The following SLC22A23 variants were observed in gnomAD, a reference collection of about 807,000 sequenced individuals.
The protein encoded by SLC22A23 is solute carrier family 22 member 23.
Under a neutral mutation model 61.0 loss-of-function variants are expected in SLC22A23, and 26 were observed. The observed-to-expected ratio is 0.43, with a 90% CI of 0.31 to 0.59. The LOEUF (loss-of-function observed/expected upper bound fraction) is 0.59. SLC22A23 is among the 20% of genes least tolerant of loss of function. The pLI is 0.11. For missense variants in SLC22A23, 796 were observed against 934.7 expected, an observed-to-expected ratio of 0.85 and a Z score of 1.94; for synonymous variants, 430 against 413.9, an observed-to-expected ratio of 1.04 and a Z score of -0.47.
chr6:3,292,481 C>CAT (rs1377403290), intron 5 of SLC22A23, among the ~76,000 whole-genome samples: 1 of 152,208 alleles, frequency 6.6e-6, no homozygotes, highest in East Asian at 1.9e-4. Context: ...ACCCAGCTCC[C>CAT]ATGCTCTCCT....
chr6:3,423,001 T>C (rs1770247241), intron 1 of SLC22A23, among the ~76,000 whole-genome samples: 1 of 152,184 alleles, frequency 6.6e-6, no homozygotes, highest in African/African-American at 2.4e-5. Flanking sequence ...ATGAGTAATG[T>C]AATTTCCGAT....
chr6:3,362,089 T>A (rs1581751569), intron 3 of SLC22A23, among the ~76,000 whole-genome samples: 1 of 62,678 alleles, frequency 1.6e-5, no homozygotes, highest in Non-Finnish European at 3.6e-5. Context: ...GAAAAATAAA[T>A]TTTTTTTTTA....
Position 3,410,264 on chromosome 6 carries a change from A to G in SLC22A23, c.837T>C (p.Asn279=), listed in dbSNP as rs1769125783. The G allele has an allele frequency of 6.2e-7, 1 of 1,614,054 alleles. No homozygotes were observed. The highest frequency in any genetic ancestry group is 1.3e-5 in the African/African-American group (1 of 75,054). The change falls in exon 3 of 10, where the codon AAT becomes AAC. Residue 279 remains asparagine, a synonymous_variant. Coordinates refer to ENST00000406686, the MANE Select transcript of SLC22A23 (RefSeq NM_015482.2). This position sits in a 1 kb window ranked among gnomAD's most constrained non-coding sequence, Gnocchi z 5.0. The part of the protein sequence containing the change: ...IFGLTVALSV[N]VTMFSTLRFF... ...ACCTGAGTGTGCTGAACATTGTCAC[A>G]TTCACTGACAGTGCCACAGTCAGTC...
intron 3 of SLC22A23, among the ~76,000 whole-genome samples, chr6:3,349,620 A>G (rs1344096127): frequency 6.6e-6 from 1 of 152,224 alleles, no homozygotes; most frequent in Non-Finnish European, 1.5e-5. Flanking sequence ...ATTAAAATGC[A>G]TGGCCCTTCT....
In SLC22A23 at chr6:3,286,982, T is replaced by C; in HGVS notation, c.1423A>G (p.Ile475Val). The C allele has an allele frequency of 1.2e-6, 2 of 1,614,152 alleles. No individual in the cohort carries two copies. The highest frequency in any genetic ancestry group is 1.7e-6 in the Non-Finnish European group (2 of 1,180,036). Residue 475 changes from isoleucine to valine, a missense_variant, in exon 7 of 10, where the codon ATC becomes GTC. By Grantham distance (29) the Ile-to-Val change is conservative (BLOSUM62 3). Transcript: ENST00000406686. This position sits in a 1 kb window ranked among gnomAD's most constrained non-coding sequence, Gnocchi z 4.2. ...ATGGCCAGGCAGGACACCAGCGCGA[T>C]GCTGGCCGTGGTATAGTAGTCAGCA... The part of the protein sequence containing the change: ...FYADYYTTAS[I>V]ALVSCLAMCV...
intron 3 of SLC22A23, among the ~76,000 whole-genome samples, chr6:3,366,332 CAAAA>C (rs11387672): frequency 0.032 from 2,343 of 73,858 alleles, 45 homozygotes; most frequent in African/African-American, 0.14. Flanking sequence ...GACTCTGTCT[CAAAA>C]AAAAAAAAAA....
intron 4 of SLC22A23, among the ~76,000 whole-genome samples, chr6:3,315,863 CAAAAA>C (rs59464373): frequency 0.33 from 47,538 of 144,826 alleles, 8,214 homozygotes; most frequent in East Asian, 0.59. Context: ...GAATCCGTCT[CAAAAA>C]AAAAAAGAAA....
chr6:3,454,941 C>T lies in SLC22A23; in HGVS notation c.654+965G>A, dbSNP rs1453432008. The stretch of plus-strand genomic sequence containing the variant: ...TGCCAGAACAGCCCAGAATGGGTAG[C>T]GGGTGGGGTGGAGGAGAGTCTGTAT... On this transcript the variant is annotated intron_variant, in intron 1 of 9. Transcript: ENST00000406686. The surrounding 1 kb of genome is among the most constrained non-coding windows in gnomAD (Gnocchi z 4.3). Among the ~76,000 whole-genome samples the T allele has an allele frequency of 6.6e-6, 1 of 152,138 alleles. No homozygotes were observed. Among genetic ancestry groups the T allele is most frequent in the African/African-American group, 2.4e-5 (1 of 41,420 alleles).
chr6:3,437,986 G>A (rs1197872932), intron 1 of SLC22A23, among the ~76,000 whole-genome samples: 1 of 152,046 alleles, frequency 6.6e-6, no homozygotes, highest in Non-Finnish European at 1.5e-5. Flanking sequence ...ACAGGCTCCT[G>A]TGGGAACCCA....
intron 3 of SLC22A23, among the ~76,000 whole-genome samples, chr6:3,336,876 A>G (rs1302515063): frequency 2.0e-4 from 29 of 146,570 alleles, no homozygotes; most frequent in Non-Finnish European, 4.4e-5. Flanking sequence ...AGTTCACTGC[A>G]GCCTTGACCT....
intron 3 of SLC22A23, among the ~76,000 whole-genome samples, chr6:3,382,048 G>A (rs1766986642): frequency 6.6e-6 from 1 of 152,228 alleles, no homozygotes; most frequent in Non-Finnish European, 1.5e-5. Flanking sequence ...ACTCAGTGGA[G>A]GTGGATCCTC....
chr6:3,367,798 T>C (rs1765932534), intron 3 of SLC22A23, among the ~76,000 whole-genome samples: 1 of 152,192 alleles, frequency 6.6e-6, no homozygotes, highest in Admixed American at 6.5e-5. Flanking sequence ...CCAGCCTCCA[T>C]CAATGCACCC....
chr6:3,402,026 C>A (rs1768426011), intron 3 of SLC22A23, among the ~76,000 whole-genome samples: 1 of 152,178 alleles, frequency 6.6e-6, no homozygotes. Context: ...GGGCTGAATC[C>A]CTTTTATCAC....
chr6:3,340,856 A>G (rs977296464), intron 3 of SLC22A23, among the ~76,000 whole-genome samples: 7 of 152,222 alleles, frequency 4.6e-5, no homozygotes, highest in Non-Finnish European at 8.8e-5. Flanking sequence ...CCAGGGCAAT[A>G]TGAGTTTACA....
intron 4 of SLC22A23, among the ~76,000 whole-genome samples, chr6:3,320,347 C>T (rs1762876056): frequency 1.3e-5 from 2 of 152,158 alleles, no homozygotes; most frequent in African/African-American, 4.8e-5. Context: ...AGTCCTCACA[C>T]GTTTGTCTTT....
At chr6:3,438,594 G>T (rs1479864597) in intron 1 of SLC22A23, 1 of 442,740 alleles carries the variant, frequency 2.3e-6, no homozygotes, top group Admixed American at 2.6e-5. Context: ...TATGGAAAAG[G>T]CTAGTTTGAA....
At chr6:3,364,174 G>T (rs1022421375) in intron 3 of SLC22A23, among the ~76,000 whole-genome samples, 6 of 152,202 alleles carry the variant, frequency 3.9e-5, no homozygotes, top group African/African-American at 1.4e-4. Context: ...ATATTGTATT[G>T]CTTGGAAATG....
chr6:3,454,941 C>A lies in SLC22A23; in HGVS notation c.654+965G>T, dbSNP rs1453432008. Among the ~76,000 whole-genome samples, 1 of 152,138 alleles carries A rather than the reference C, an allele frequency of 6.6e-6. No individual in the cohort carries two copies. ...TGCCAGAACAGCCCAGAATGGGTAG[C>A]GGGTGGGGTGGAGGAGAGTCTGTAT... is the stretch of plus-strand genomic sequence containing the variant. On this transcript the variant is annotated intron_variant, in intron 1 of 9. Coordinates refer to ENST00000406686, the MANE Select transcript of SLC22A23 (RefSeq NM_015482.2). The surrounding 1 kb of genome is among the most constrained non-coding windows in gnomAD (Gnocchi z 4.3).
intron 1 of SLC22A23, among the ~76,000 whole-genome samples, chr6:3,420,266 A>G (rs1420191853): frequency 1.3e-5 from 2 of 151,780 alleles, no homozygotes; most frequent in African/African-American, 4.8e-5. Context: ...CTGTGGAGTC[A>G]GAGAACCTAT....
Sources: gnomAD v4.1 joint callset for allele counts (sites outside exome capture counted in the v4.1 genomes callset) on GRCh38, gnomAD v4.1.1 for gene constraint, Gnocchi (gnomAD v3.1) non-coding constraint, MANE v1.5 for transcripts, NCBI Gene and HGNC (gene_info 2026-07-23, HGNC 2026-07-21) for gene names.